RAB3C: variants seen among roughly 807,000 people sequenced by gnomAD.
RAB3C encodes RAB3C, member RAS oncogene family, also known as ras-related protein Rab-3C.
A neutral mutation model predicts 26.4 loss-of-function variants in RAB3C; 17 were observed. That is an observed-to-expected ratio of 0.64 (90% CI 0.44 to 0.97). The LOEUF (loss-of-function observed/expected upper bound fraction) is 0.97, where lower values mean the gene tolerates loss of function less well. RAB3C is among the 50% of genes least tolerant of loss of function. RAB3C has a pLI of 0.00. For missense variants in RAB3C, 242 were observed against 281.9 expected (o/e 0.86, Z 1.01); for synonymous variants, 91 against 95.9 (o/e 0.95, Z 0.30).
intron 1 of RAB3C, among the ~76,000 whole-genome samples, chr5:58,600,754 T>G (rs1267921099): frequency 1.3e-5 from 2 of 152,088 alleles, no homozygotes; most frequent in Non-Finnish European, 2.9e-5. Context: ...GGAGGAGTCT[T>G]TAGGGTTTTC....
At chr5:58,665,367 T>A (rs1747981877) in intron 2 of RAB3C, among the ~76,000 whole-genome samples, 1 of 152,166 alleles carries the variant, frequency 6.6e-6, no homozygotes, top group African/African-American at 2.4e-5. Flanking sequence ...GTGTGTGACC[T>A]AAGAAAAATG....
chr5:58,670,727 C>T (rs1384748069), intron 2 of RAB3C, among the ~76,000 whole-genome samples: 1 of 152,156 alleles, frequency 6.6e-6, no homozygotes, highest in Non-Finnish European at 1.5e-5. Flanking sequence ...AAGCAGAGGC[C>T]TTATGTCTGC....
At chr5:58,712,715 G>A (rs1749087893) in intron 2 of RAB3C, among the ~76,000 whole-genome samples, 1 of 152,122 alleles carries the variant, frequency 6.6e-6, no homozygotes, top group Non-Finnish European at 1.5e-5. Context: ...AGTAGAGACA[G>A]GGTTTCACCA....
At chr5:58,612,666 A>G (rs1010374295) in intron 1 of RAB3C, among the ~76,000 whole-genome samples, 3 of 151,378 alleles carry the variant, frequency 2.0e-5, no homozygotes, top group African/African-American at 7.3e-5. Flanking sequence ...TTGCGCATTA[A>G]TATTTTTGTA....
chr5:58,672,106 A>G (rs1440846476), intron 2 of RAB3C, among the ~76,000 whole-genome samples: 1 of 152,214 alleles, frequency 6.6e-6, no homozygotes, highest in Non-Finnish European at 1.5e-5. Flanking sequence ...AAGAGGGGTT[A>G]CTAACGAAAA....
rs1211878483 is a variant in RAB3C, at chr5:58,851,368, G to A, written c.*17G>A. Reference sequence around the variant, plus strand: ...GCCTGCTAGTGTCCCCGTGCACACAGGCAGCTCCAGGGGGCTCTGGTTGCC... The same window carrying A: ...GCCTGCTAGTGTCCCCGTGCACACAAGCAGCTCCAGGGGGCTCTGGTTGCC... On this transcript the variant is annotated 3_prime_UTR_variant, in exon 5 of 5. Coordinates refer to ENST00000282878, the MANE Select transcript of RAB3C (RefSeq NM_138453.4). 2 of 1,570,440 alleles carry A rather than the reference G, an allele frequency of 1.3e-6. No homozygotes were observed. Among genetic ancestry groups the A allele is most frequent in the East Asian group, 4.5e-5 (2 of 44,318 alleles).
intron 3 of RAB3C, among the ~76,000 whole-genome samples, chr5:58,801,934 T>G (rs1471831668): frequency 6.6e-6 from 1 of 152,248 alleles, no homozygotes; most frequent in African/African-American, 2.4e-5. Flanking sequence ...AACAAAAATA[T>G]GGAGCTGCAT....
intron 3 of RAB3C, among the ~76,000 whole-genome samples, chr5:58,805,458 G>A (rs1051762078): frequency 2.0e-5 from 3 of 151,702 alleles, no homozygotes; most frequent in East Asian, 1.9e-4. Context: ...GGTAGTGCGC[G>A]CCTATAATCC....
At chr5:58,718,150 A>G (rs1263809077) in intron 2 of RAB3C, among the ~76,000 whole-genome samples, 1 of 152,122 alleles carries the variant, frequency 6.6e-6, no homozygotes, top group Non-Finnish European at 1.5e-5. Context: ...GAGTGTAATC[A>G]AAATCCCACT....
At chr5:58,825,611 T>G (rs755384867) in intron 4 of RAB3C, among the ~76,000 whole-genome samples, 4 of 152,192 alleles carry the variant, frequency 2.6e-5, no homozygotes, top group African/African-American at 4.8e-5. Flanking sequence ...TAAGCCATGT[T>G]ACTGTTACAA....
intron 3 of RAB3C, among the ~76,000 whole-genome samples, chr5:58,766,882 G>A (rs1030502243): frequency 2.6e-5 from 4 of 152,208 alleles, no homozygotes; most frequent in African/African-American, 9.6e-5. Context: ...GGCAGAAGCT[G>A]ATTCCAAACA....
At chr5:58,619,070 TA>T (rs1391799746) in intron 2 of RAB3C, among the ~76,000 whole-genome samples, 38 of 152,324 alleles carry the variant, frequency 2.5e-4, no homozygotes, top group Middle Eastern at 6.8e-3. Context: ...AAGGTCTTAT[TA>T]AAGTAGAAAT....
chr5:58,754,046 T>C (rs1741593177), intron 3 of RAB3C, among the ~76,000 whole-genome samples: 1 of 152,056 alleles, frequency 6.6e-6, no homozygotes, highest in South Asian at 2.1e-4. Context: ...GAGACAGCAA[T>C]AGGTGGAAGT....
intron 3 of RAB3C, among the ~76,000 whole-genome samples, chr5:58,777,534 G>C (rs981455740): frequency 6.6e-6 from 1 of 150,932 alleles, no homozygotes; most frequent in Non-Finnish European, 1.5e-5. Context: ...TTTAGTTATA[G>C]ATAATTTTAT....
intron 1 of RAB3C, among the ~76,000 whole-genome samples, chr5:58,615,006 C>T (rs1316898371): frequency 4.6e-5 from 7 of 151,878 alleles, no homozygotes; most frequent in Non-Finnish European, 1.0e-4. Flanking sequence ...ATGTGAATAC[C>T]ACACCATTTT....
intron 2 of RAB3C, among the ~76,000 whole-genome samples, chr5:58,624,645 T>C (rs1747014411): frequency 6.6e-6 from 1 of 152,172 alleles, no homozygotes; most frequent in Admixed American, 6.5e-5. Context: ...CCTGTGATTC[T>C]ATAGGGACTG....
chr5:58,757,523 GT>G (rs1561311667), intron 3 of RAB3C, among the ~76,000 whole-genome samples: 1 of 152,224 alleles, frequency 6.6e-6, no homozygotes, highest in African/African-American at 2.4e-5. Flanking sequence ...TCACTTTCAA[GT>G]TATGCATTCT....
intron 2 of RAB3C, among the ~76,000 whole-genome samples, chr5:58,638,391 T>A (rs1352081159): frequency 1.3e-5 from 2 of 152,172 alleles, no homozygotes; most frequent in Non-Finnish European, 2.9e-5. Flanking sequence ...AAAATAAGCT[T>A]TTCTAATTCT....
At chr5:58,698,740 T>C (rs1307001588) in intron 2 of RAB3C, among the ~76,000 whole-genome samples, 2 of 152,220 alleles carry the variant, frequency 1.3e-5, no homozygotes, top group Non-Finnish European at 2.9e-5. Flanking sequence ...TGTGCATGCA[T>C]CACGAAGTTC....
Sources: gnomAD v4.1 joint callset for allele counts (sites outside exome capture counted in the v4.1 genomes callset) on GRCh38, gnomAD v4.1.1 for gene constraint, MANE v1.5 for transcripts, NCBI Gene and HGNC (gene_info 2026-07-23, HGNC 2026-07-21) for gene names.